The following PCDHB14 variants were observed in gnomAD, a reference collection of about 807,000 sequenced individuals.
PCDHB14 encodes the protein protocadherin beta-14.
For synonymous variants in PCDHB14, 511 were observed against 441.5 expected (o/e 1.16, Z -1.97); for missense variants, 1,129 against 1,000.5 (o/e 1.13, Z -1.73).
Position 141,226,612 on chromosome 5 carries a change from G to A in PCDHB14, c.*710G>A, listed in dbSNP as rs1754867107. 1 of 152,114 alleles carries A rather than the reference G, an allele frequency of 6.6e-6. No homozygotes were observed. The highest frequency in any genetic ancestry group is 1.9e-4 in the East Asian group (1 of 5,186). 9.4% of individuals were successfully genotyped at this position (152,114 alleles called of 1,614,324 possible). A position where few individuals can be genotyped will look rare whatever the true frequency, so the allele number is the denominator to read the frequency against. ...AGACAGGGTCTCATTCCATTGACCT[G>A]GCTGGAATGCAGTGGCACCATCATG... is the stretch of plus-strand genomic sequence containing the variant. On this transcript the variant is annotated 3_prime_UTR_variant, in exon 1 of 1. Coordinates refer to ENST00000239449, the MANE Select transcript of PCDHB14 (RefSeq NM_018934.4).
Position 141,224,617 on chromosome 5 carries a change from T to C in PCDHB14, c.1112T>C (p.Leu371Pro), listed in dbSNP as rs1554289206. Residue 371 changes from leucine to proline, a missense_variant, in exon 1 of 1, where the codon CTA becomes CCA. By Grantham distance (98) the Leu-to-Pro change is moderately conservative (BLOSUM62 -3). Coordinates refer to ENST00000239449, the MANE Select transcript of PCDHB14 (RefSeq NM_018934.4). ...SETLVALFSI[L>P]DQDSGDNGRM... is the part of the protein sequence containing the mutation. The stretch of plus-strand genomic sequence containing the variant: ...ACCCTAGTAGCTCTTTTTAGTATCC[T>C]AGACCAAGACTCTGGAGACAATGGG... 2 of 1,614,154 alleles carry C rather than the reference T, an allele frequency of 1.2e-6. No homozygotes were observed. The highest frequency in any genetic ancestry group is 8.5e-7 in the Non-Finnish European group (1 of 1,180,010).
At position 141,225,987 on chromosome 5, in the gene PCDHB14, T is replaced by A; in HGVS notation, c.*85T>A. ...GCATAATCTTTTGTGGATTCTTGGT[T>A]GTACTGTAGTTGCATGCATGATTAT... is the stretch of plus-strand genomic sequence containing the variant. On this transcript the variant is annotated 3_prime_UTR_variant, in exon 1 of 1. Coordinates refer to ENST00000239449, the MANE Select transcript of PCDHB14 (RefSeq NM_018934.4). 1 of 1,244,384 alleles carries A rather than the reference T, an allele frequency of 8.0e-7. No individual in the cohort carries two copies. The highest frequency in any genetic ancestry group is 1.1e-6 in the Non-Finnish European group (1 of 884,074). 77.1% of individuals were successfully genotyped at this position (1,244,384 alleles called of 1,614,324 possible).
rs782159115 is a variant in PCDHB14, at chr5:141,224,245, A to G, written c.740A>G (p.Tyr247Cys). ...GCCCCTGAGTTTCCTCAGAGTCTCT[A>G]TGAGGTGCAAGTCCCCGAGGACAGA... ...DNAPEFPQSL[Y>C]EVQVPEDRPL... Residue 247 changes from tyrosine (Y) to cysteine (C), a missense_variant, in exon 1 of 1, where the codon TAT (tyrosine) becomes TGT (cysteine). Transcript: ENST00000239449. 6.2e-7 allele frequency: 1 copy of G among 1,613,784 alleles called. No individual in the cohort carries two copies. Among genetic ancestry groups the G allele is most frequent in the Non-Finnish European group, 8.5e-7 (1 of 1,179,830 alleles).
At position 141,224,416 on chromosome 5, in the gene PCDHB14, G is replaced by T; in HGVS notation, c.911G>T (p.Arg304Ile). The T allele has an allele frequency of 6.2e-7, 1 of 1,606,712 alleles. No individual in the cohort carries two copies. The highest frequency in any genetic ancestry group is 8.5e-7 in the Non-Finnish European group (1 of 1,176,934). The change falls in exon 1 of 1, where the codon AGA becomes ATA. Residue 304 changes from arginine to isoleucine, a missense_variant. Arg to Ile is a moderately conservative substitution (Grantham distance 97, BLOSUM62 -3). Coordinates refer to ENST00000239449, the MANE Select transcript of PCDHB14 (RefSeq NM_018934.4). The part of the protein sequence containing the change: ...INPISGEVNL[R>I]SPLDFEVIQS... ...CCAATATCTGGGGAAGTTAATTTGAGATCACCCCTGGATTTTGAAGTAATA... is the reference window on the plus strand; with the variant it reads ...CCAATATCTGGGGAAGTTAATTTGATATCACCCCTGGATTTTGAAGTAATA...
rs767940753 is a variant in PCDHB14 at position 141,227,296 on chromosome 5, G to T, written c.*1394G>T. Reference sequence around the variant, plus strand: ...TGAAATGAAGATTCAAACTGTTAAAGAAATGATTTAGTTTCACTTTCCTAT... The same window carrying T: ...TGAAATGAAGATTCAAACTGTTAAATAAATGATTTAGTTTCACTTTCCTAT... On this transcript the variant is annotated 3_prime_UTR_variant, in exon 1 of 1. Coordinates refer to ENST00000239449, the MANE Select transcript of PCDHB14 (RefSeq NM_018934.4). 3 of 152,184 alleles carry T rather than the reference G, an allele frequency of 2.0e-5. No individual in the cohort carries two copies. Among genetic ancestry groups the T allele is most frequent in the Non-Finnish European group, 4.4e-5 (3 of 68,020 alleles). 9.4% of individuals were successfully genotyped at this position (152,184 alleles called of 1,614,324 possible).
Position 141,227,000 on chromosome 5 carries a change from T to A in PCDHB14, c.*1098T>A, listed in dbSNP as rs782630835. The A allele has an allele frequency of 1.3e-5, 2 of 152,140 alleles. No homozygotes were observed. The highest frequency in any genetic ancestry group is 2.9e-5 in the Non-Finnish European group (2 of 68,058). The allele number at this position is 152,140 out of a possible 1,614,324, so 9.4% of individuals were successfully genotyped here. A position where few individuals can be genotyped will look rare whatever the true frequency, so the allele number is the denominator to read the frequency against. On this transcript the variant is annotated 3_prime_UTR_variant, in exon 1 of 1. Coordinates refer to ENST00000239449, the MANE Select transcript of PCDHB14 (RefSeq NM_018934.4). ...CACCCGCCACGATGCCTAGCTAAAT[T>A]TTTGTATATGTGGTAGAGATGGAGT...
In PCDHB14 at chr5:141,225,350, C is replaced by G. The variant is rs555911901; in HGVS notation, c.1845C>G (p.Phe615Leu). The G allele has an allele frequency of 1.0e-3, 1,670 of 1,603,270 alleles. 37 individuals are homozygous for G. The Admixed American group carries it at 0.026, about 25-fold the overall frequency. Residue 615 changes from phenylalanine to leucine, a missense_variant, in exon 1 of 1, where the codon TTC becomes TTG. Physicochemically the swap from Phe to Leu is conservative, Grantham distance 22. Coordinates refer to ENST00000239449, the MANE Select transcript of PCDHB14 (RefSeq NM_018934.4). The stretch of plus-strand genomic sequence containing the variant: ...TCAAGGCCACGGAGCCCGGGCTGTT[C>G]GGCGTGTGGGCGCACAATGGCGAGG... ...QLLKATEPGL[F>L]GVWAHNGEVR...
In PCDHB14 at chr5:141,224,465, G is replaced by A. The variant is rs372009610; in HGVS notation, c.960G>A (p.Gln320=). The A allele has an allele frequency of 1.9e-6, 3 of 1,612,226 alleles. No individual in the cohort carries two copies. The African/African-American group carries it at 4.0e-5, about 22-fold the overall frequency. Residue 320 remains glutamine, a synonymous_variant, in exon 1 of 1, where the codon CAG becomes CAA. Transcript: ENST00000239449. ...TACAGTCCTACACTATAAATATTCA[G>A]GCAACAGATGGTGGGGGTCTTTCAG... ...EVIQSYTINI[Q]ATDGGGLSGK...
In PCDHB14 at chr5:141,225,052, T is replaced by A; in HGVS notation, c.1547T>A (p.Leu516His). 1 of 1,612,550 alleles carries A rather than the reference T, an allele frequency of 6.2e-7. No individual in the cohort carries two copies. Residue 516 changes from leucine to histidine, a missense_variant, in exon 1 of 1, where the codon CTC becomes CAC. By Grantham distance (99) the Leu-to-His change is moderately conservative (BLOSUM62 -3). Coordinates refer to ENST00000239449, the MANE Select transcript of PCDHB14 (RefSeq NM_018934.4). ...INADNGHLFALRSLDYEALQE... is the reference protein window; with the variant it reads ...INADNGHLFAHRSLDYEALQE... The stretch of plus-strand genomic sequence containing the variant: ...GCGGACAATGGCCACCTGTTTGCCC[T>A]CAGGTCGCTGGACTACGAGGCCCTA...
Position 141,224,380 on chromosome 5 carries a change from T to A in PCDHB14, c.875T>A (p.Phe292Tyr). The change falls in exon 1 of 1, where the codon TTT becomes TAT. Residue 292 changes from phenylalanine (F) to tyrosine (Y), a missense_variant. Physicochemically the swap from Phe to Tyr is conservative, Grantham distance 22 (BLOSUM62 3). Transcript: ENST00000239449. Reference protein sequence around the residue: ...FHASEDIRKTFEINPISGEVN... With the variant: ...FHASEDIRKTYEINPISGEVN... ...GCATCAGAAGATATTCGTAAAACAT[T>A]TGAAATTAATCCAATATCTGGGGAA... 3 of 1,609,118 alleles carry A rather than the reference T, an allele frequency of 1.9e-6. No individual in the cohort carries two copies. The highest frequency in any genetic ancestry group is 2.5e-6 in the Non-Finnish European group (3 of 1,178,138).
At position 141,226,046 on chromosome 5, in the gene PCDHB14, CT is replaced by C; in HGVS notation, c.*147del. 1 of 763,004 alleles carries C rather than the reference CT, an allele frequency of 1.3e-6. No homozygotes were observed. The highest frequency in any genetic ancestry group is 2.1e-6 in the Non-Finnish European group (1 of 482,964). The allele number at this position is 763,004 out of a possible 1,614,324, so 47.3% of individuals were successfully genotyped here. A position where few individuals can be genotyped will look rare whatever the true frequency, so the allele number is the denominator to read the frequency against. ...TTTTTCTCACAGTTTCTTTAAAAATCTTTATTAGTGGCTATAATGACGTGGA... is the reference window on the plus strand; with the variant it reads ...TTTTTCTCACAGTTTCTTTAAAAATCTTATTAGTGGCTATAATGACGTGGA... On this transcript the variant is annotated 3_prime_UTR_variant, in exon 1 of 1. Transcript: ENST00000239449.
chr5:141,224,887 G>T lies in PCDHB14; in HGVS notation c.1382G>T (p.Arg461Leu), dbSNP rs151163282. 5 of 1,613,338 alleles carry T rather than the reference G, an allele frequency of 3.1e-6. No homozygotes were observed. Among genetic ancestry groups the T allele is most frequent in the Admixed American group, 1.7e-5 (1 of 60,012 alleles). Residue 461 changes from arginine (R) to leucine (L), a missense_variant, in exon 1 of 1, where the codon CGC becomes CTC. Transcript: ENST00000239449. ...FTQTSYTLFV[R>L]ENNSPALHIG... The stretch of plus-strand genomic sequence containing the variant: ...CAAACCTCCTACACCCTGTTCGTCC[G>T]CGAGAACAACAGCCCCGCCCTGCAC...
rs1554289240 is a variant in PCDHB14 at position 141,224,792 on chromosome 5, C to T, written c.1287C>T (p.Pro429=). 1.2e-6 allele frequency: 2 copies of T among 1,614,184 alleles called. No individual in the cohort carries two copies. Among genetic ancestry groups the T allele is most frequent in the Non-Finnish European group, 1.7e-6 (2 of 1,180,042 alleles). Residue 429 remains proline, a synonymous_variant, in exon 1 of 1, where the codon CCC becomes CCT. Coordinates refer to ENST00000239449, the MANE Select transcript of PCDHB14 (RefSeq NM_018934.4). ...ITITVTDLGT[P]RLKTEYNITV... ...TCACCGTCACAGACTTGGGGACACC[C>T]AGGCTGAAAACCGAGTACAACATAA...
chr5:141,225,812 G>T lies in PCDHB14; in HGVS notation c.2307G>T (p.Pro769=). Residue 769 remains proline (P), a synonymous_variant, in exon 1 of 1, where the codon CCG becomes CCT. Coordinates refer to ENST00000239449, the MANE Select transcript of PCDHB14 (RefSeq NM_018934.4). The part of the protein sequence containing the change: ...SGTNEFKFLK[P]IIPNFQVHDT... Reference sequence around the variant, plus strand: ...CAAATGAGTTCAAATTTCTGAAGCCGATTATCCCCAATTTTCAAGTTCATG... The same window carrying T: ...CAAATGAGTTCAAATTTCTGAAGCCTATTATCCCCAATTTTCAAGTTCATG... 2 of 1,614,218 alleles carry T rather than the reference G, an allele frequency of 1.2e-6. No homozygotes were observed. Among genetic ancestry groups the T allele is most frequent in the Non-Finnish European group, 1.7e-6 (2 of 1,180,042 alleles).
rs782137285 is a variant in PCDHB14 at position 141,224,198 on chromosome 5, G to C, written c.693G>C (p.Lys231Asn). The change falls in exon 1 of 1, where the codon AAG becomes AAC. Residue 231 changes from lysine (K) to asparagine (N), a missense_variant. By Grantham distance (94) the Lys-to-Asn change is moderately conservative. Transcript: ENST00000239449. Reference sequence around the variant, plus strand: ...CTGGGACAACTTTGGTTCTCATCAAGGTGTTGGACATCAATGATAATGCCC... The same window carrying C: ...CTGGGACAACTTTGGTTCTCATCAACGTGTTGGACATCAATGATAATGCCC... ...PKSGTTLVLIKVLDINDNAPE... is the reference protein window; with the variant it reads ...PKSGTTLVLINVLDINDNAPE... 24 of 1,613,894 alleles carry C rather than the reference G, an allele frequency of 1.5e-5. No individual in the cohort carries two copies. The East Asian group carries it at 5.3e-4, about 36-fold the overall frequency.
chr5:141,223,705 T>C lies in PCDHB14; in HGVS notation c.200T>C (p.Val67Ala), dbSNP rs1188583148. Residue 67 changes from valine to alanine, a missense_variant, in exon 1 of 1, where the codon GTG becomes GCG. Physicochemically the swap from Val to Ala is moderately conservative, Grantham distance 64. Transcript: ENST00000239449. ...CTGTCTTCACGTGAAGCCCGGGTAG[T>C]GTCTGATGATAATAAAAAGTATTTG... ...EELSSREARV[V>A]SDDNKKYLHL... is the part of the protein sequence containing the mutation. The C allele has an allele frequency of 7.4e-6, 12 of 1,614,088 alleles. No homozygotes were observed. The highest frequency in any genetic ancestry group is 1.0e-5 in the Non-Finnish European group (12 of 1,180,014).
rs1754865009 is a variant in PCDHB14 at position 141,226,524 on chromosome 5, G to C, written c.*622G>C. On this transcript the variant is annotated 3_prime_UTR_variant, in exon 1 of 1. Transcript: ENST00000239449. The stretch of plus-strand genomic sequence containing the variant: ...TGTTGTGGAGGAAGAGTCTTATAAT[G>C]CTCTGGGCTTTGCTGTCACTCTTTG... 6.6e-6 allele frequency: 1 copy of C among 152,190 alleles called. No individual in the cohort carries two copies. The allele number at this position is 152,190 out of a possible 1,614,324, so 9.4% of individuals were successfully genotyped here. A position where few individuals can be genotyped will look rare whatever the true frequency, so the allele number is the denominator to read the frequency against.
chr5:141,224,119 A>G lies in PCDHB14; in HGVS notation c.614A>G (p.Glu205Gly). ...GATAGAGCTTTAGATTATGAACAGG[A>G]AGCTGAACTCAGATTAACACTCACA... The part of the protein sequence containing the change: ...VLDRALDYEQ[E>G]AELRLTLTAV... Residue 205 changes from glutamate (E) to glycine (G), a missense_variant, in exon 1 of 1, where the codon GAA (glutamate) becomes GGA (glycine). Coordinates refer to ENST00000239449, the MANE Select transcript of PCDHB14 (RefSeq NM_018934.4). The G allele has an allele frequency of 6.2e-7, 1 of 1,614,102 alleles. No individual in the cohort carries two copies. The highest frequency in any genetic ancestry group is 1.7e-4 in the Middle Eastern group (1 of 6,060).
Position 141,224,068 on chromosome 5 carries a change from GAA to G in PCDHB14, c.565_566del (p.Lys189AspfsTer9). 2 of 1,613,920 alleles carry G rather than the reference GAA, an allele frequency of 1.2e-6. No individual in the cohort carries two copies. The highest frequency in any genetic ancestry group is 1.7e-6 in the Non-Finnish European group (2 of 1,179,992). ...ATTAAAATTCCCGACAGTAGTGACA[GAA>G]AGATATACCCAGAGCTGGTCCTAGA... On this transcript the variant is annotated frameshift_variant, in exon 1 of 1. Coordinates refer to ENST00000239449, the MANE Select transcript of PCDHB14 (RefSeq NM_018934.4). LOFTEE classifies it low-confidence loss of function (END_TRUNC).
Sources: allele counts gnomAD v4.1 joint callset, GRCh38; gene constraint gnomAD v4.1.1; transcripts MANE v1.5; gene names NCBI Gene and HGNC (gene_info 2026-07-23, HGNC 2026-07-21).